Variants in KDM4A observed in about 807,000 individuals in gnomAD.
KDM4A encodes lysine demethylase 4A, also known as lysine-specific demethylase 4A.
Under a neutral mutation model 127.1 loss-of-function variants are expected in KDM4A, and 23 were observed. That is an observed-to-expected ratio of 0.18 (90% confidence interval 0.13 to 0.26). KDM4A has a LOEUF of 0.26. Ranked by LOEUF, KDM4A falls within the 10% of genes least tolerant of loss-of-function variation. The pLI is 1.00. For missense variants in KDM4A, 890 were observed against 1,329.1 expected (o/e 0.67, Z 5.14); for synonymous variants, 443 against 466.5 (o/e 0.95, Z 0.65).
At chr1:43,668,746 G>C (rs1431395107) in intron 9 of KDM4A, among the ~76,000 whole-genome samples, 1 of 152,188 alleles carries the variant, frequency 6.6e-6, no homozygotes, top group Non-Finnish European at 1.5e-5. Flanking sequence ...CTGAGCCAGG[G>C]GATCTGTGCT....
chr1:43,691,173 T>C, intron 14 of KDM4A, 124 bp downstream of exon 14: 7 of 977,994 alleles, frequency 7.2e-6, no homozygotes, highest in Non-Finnish European at 1.1e-5. Context: ...GGGGAGTCTG[T>C]TGCTAGCTGA....
chr1:43,657,990 T>TGCTAAA (rs2154046501), intron 3 of KDM4A, among the ~76,000 whole-genome samples: 1 of 151,792 alleles, frequency 6.6e-6, no homozygotes, highest in South Asian at 2.1e-4. Flanking sequence ...AGCACACTTG[T>TGCTAAA]TTTCCTTTTA....
Position 43,667,878 on chromosome 1 carries a change from T to C in KDM4A, c.1022T>C (p.Ile341Thr). Residue 341 changes from isoleucine to threonine, a missense_variant, in exon 9 of 22, where the codon ATT becomes ACT. Physicochemically the swap from Ile to Thr is moderately conservative, Grantham distance 89. Coordinates refer to ENST00000372396, the MANE Select transcript of KDM4A (RefSeq NM_014663.3). ...LWKAGKDNTV[I>T]DHTLPTPEAA... The stretch of plus-strand genomic sequence containing the variant: ...AAAGCTGGGAAGGACAACACAGTTA[T>C]TGACCATACTCTGCCCACGCCAGAA... 2 of 1,614,166 alleles carry C rather than the reference T, an allele frequency of 1.2e-6. No homozygotes were observed. Among genetic ancestry groups the C allele is most frequent in the Non-Finnish European group, 1.7e-6 (2 of 1,180,022 alleles).
At chr1:43,667,386 T>A (rs1450328723) in intron 8 of KDM4A, among the ~76,000 whole-genome samples, 1 of 152,210 alleles carries the variant, frequency 6.6e-6, no homozygotes. Flanking sequence ...TTTTAGGGGT[T>A]TCCTTTACTC....
At chr1:43,657,175 A>C (rs2154046435) in intron 3 of KDM4A, among the ~76,000 whole-genome samples, 1 of 151,800 alleles carries the variant, frequency 6.6e-6, no homozygotes, top group East Asian at 1.9e-4. Flanking sequence ...GGCATGAGCC[A>C]CTGCATCCGG....
chr1:43,653,394 T>C, intron 2 of KDM4A, 81 bp downstream of exon 2: 1 of 1,367,574 alleles, frequency 7.3e-7, no homozygotes, highest in South Asian at 1.6e-5. Context: ...GGGCCGGAAC[T>C]GTGTTTTACT....
In KDM4A at chr1:43,653,326, G is replaced by GATTGTTCAA; in HGVS notation, c.138+16_138+24dup. The GATTGTTCAA allele has an allele frequency of 6.2e-7, 1 of 1,604,680 alleles. No homozygotes were observed. Among genetic ancestry groups the GATTGTTCAA allele is most frequent in the Non-Finnish European group, 8.5e-7 (1 of 1,176,208 alleles). The stretch of plus-strand genomic sequence containing the variant: ...AGGGCTAGCCAAGGTAAGGAGCTGG[G>GATTGTTCAA]ATTGTTCAAATGGTTTTGTTACCTA... On this transcript the variant is annotated intron_variant, in intron 2 of 21. Coordinates refer to ENST00000372396, the MANE Select transcript of KDM4A (RefSeq NM_014663.3).
intron 1 of KDM4A, among the ~76,000 whole-genome samples, chr1:43,652,096 T>C (rs150710291): frequency 6.6e-6 from 1 of 152,238 alleles, no homozygotes; most frequent in Non-Finnish European, 1.5e-5. Context: ...CACGTAACTT[T>C]TATTAGGTAT....
At position 43,667,922 on chromosome 1, in the gene KDM4A, G is replaced by A; in HGVS notation, c.1066G>A (p.Glu356Lys). Reference sequence around the variant, plus strand: ...GCCAGAAGCAGCTGAGTTTCTTAAGGAGAGTGAACTGCCTCCAAGAGCTGG... The same window carrying A: ...GCCAGAAGCAGCTGAGTTTCTTAAGAAGAGTGAACTGCCTCCAAGAGCTGG... ...PTPEAAEFLK[E>K]SELPPRAGNE... The change falls in exon 9 of 22, where the codon GAG becomes AAG. Residue 356 changes from glutamate (E) to lysine (K), a missense_variant. By Grantham distance (56) the Glu-to-Lys change is moderately conservative. Around this residue, in one of 7 missense-constraint regions of KDM4A, gnomAD observed 389 missense variants for 485.9 expected, o/e 0.80. Coordinates refer to ENST00000372396, the MANE Select transcript of KDM4A (RefSeq NM_014663.3). The A allele has an allele frequency of 6.2e-7, 1 of 1,614,180 alleles. No homozygotes were observed. Among genetic ancestry groups the A allele is most frequent in the Non-Finnish European group, 8.5e-7 (1 of 1,180,028 alleles).
rs761446401 is a variant in KDM4A at position 43,667,816 on chromosome 1, T to A, written c.960T>A (p.Phe320Leu). 6.2e-7 allele frequency: 1 copy of A among 1,613,780 alleles called. No homozygotes were observed. Among genetic ancestry groups the A allele is most frequent in the Non-Finnish European group, 8.5e-7 (1 of 1,179,898 alleles). ...TGGTGAAGATCTCCATGGATGTGTT[T>A]GTGAGAAAGTTCCAGCCAGAAAGGT... ...KDMVKISMDV[F>L]VRKFQPERYK... is the part of the protein sequence containing the mutation. The change falls in exon 9 of 22, where the codon TTT becomes TTA. Residue 320 changes from phenylalanine (F) to leucine (L), a missense_variant. Around this residue, in one of 7 missense-constraint regions of KDM4A, gnomAD observed 141 missense variants for 273.5 expected, o/e 0.52. Coordinates refer to ENST00000372396, the MANE Select transcript of KDM4A (RefSeq NM_014663.3).
At chr1:43,657,466 G>A (rs763746844) in intron 3 of KDM4A, among the ~76,000 whole-genome samples, 27 of 152,110 alleles carry the variant, frequency 1.8e-4, no homozygotes, top group Non-Finnish European at 3.1e-4. Flanking sequence ...CTCCCAAAGG[G>A]CTGGGATTAC....
intron 4 of KDM4A, among the ~76,000 whole-genome samples, chr1:43,661,068 G>A (rs191556690): frequency 2.3e-4 from 35 of 151,550 alleles, no homozygotes; most frequent in Admixed American, 1.5e-3. Flanking sequence ...TCCGCCTCCC[G>A]GGTTCAAGTG....
intron 3 of KDM4A, among the ~76,000 whole-genome samples, chr1:43,657,750 C>CTTTTTTTT (rs140666245): frequency 5.2e-5 from 6 of 116,460 alleles, no homozygotes; most frequent in African/African-American, 1.9e-4. Context: ...TTTTTCTTTT[C>CTTTTTTTT]TTTTTTTTTT....
At position 43,667,031 on chromosome 1, in the gene KDM4A, T is replaced by C. The variant is rs1660514561; in HGVS notation, c.855T>C (p.Cys285=). The C allele has an allele frequency of 4.3e-6, 7 of 1,614,192 alleles. No homozygotes were observed. In the East Asian group the frequency reaches 6.7e-5, roughly 15 times the overall value. ...YHAGFNHGFN[C]AESTNFATRR... The stretch of plus-strand genomic sequence containing the variant: ...CCGGCTTTAACCATGGTTTTAACTG[T>C]GCGGAGTCTACCAATTTTGCTACCC... Residue 285 remains cysteine (C), a synonymous_variant, in exon 8 of 22, where the codon TGT becomes TGC. Coordinates refer to ENST00000372396, the MANE Select transcript of KDM4A (RefSeq NM_014663.3).
chr1:43,697,923 T>C lies in KDM4A; in HGVS notation c.2751T>C (p.Cys917=), dbSNP rs769578497. ...ATAAGAACGGGCGCTTCTACCAGTG[T>C]GAAGTGGTCAGGCTCACCACCGAGA... is the stretch of plus-strand genomic sequence containing the variant. The part of the protein sequence containing the change: ...SKHKNGRFYQ[C]EVVRLTTETF... The change falls in exon 19 of 22, where the codon TGT becomes TGC. Residue 917 remains cysteine, a synonymous_variant. Coordinates refer to ENST00000372396, the MANE Select transcript of KDM4A (RefSeq NM_014663.3). 14 of 1,613,368 alleles carry C rather than the reference T, an allele frequency of 8.7e-6. No homozygotes were observed. In the South Asian group the frequency reaches 1.4e-4, roughly 16 times the overall value.
intron 19 of KDM4A, among the ~76,000 whole-genome samples, chr1:43,700,606 A>G (rs1661364623): frequency 6.6e-6 from 1 of 151,994 alleles, no homozygotes; most frequent in Non-Finnish European, 1.5e-5. Flanking sequence ...GGCTATTTGT[A>G]GAAATGGGGT....
At chr1:43,702,446 A>T (rs1170773872) in intron 19 of KDM4A, 1 of 152,196 alleles carries the variant, frequency 6.6e-6, no homozygotes, top group Non-Finnish European at 1.5e-5. Flanking sequence ...TCAATAAATG[A>T]ACTGTAGCAT....
In KDM4A at chr1:43,693,959, C is replaced by CAG. The variant is rs907012451; in HGVS notation, c.2376-32_2376-31dup. 6.3e-7 allele frequency: 1 copy of CAG among 1,579,302 alleles called. No individual in the cohort carries two copies. The highest frequency in any genetic ancestry group is 1.3e-5 in the African/African-American group (1 of 74,356). ...AGAGAAGGCCACAGAGCCTTGGGCC[C>CAG]AGAGGTGACTGAGGGAGCCTTTGCC... On this transcript the variant is annotated intron_variant, in intron 16 of 21. Coordinates refer to ENST00000372396, the MANE Select transcript of KDM4A (RefSeq NM_014663.3). This position sits in a 1 kb window ranked among gnomAD's most constrained non-coding sequence, Gnocchi z 4.2.
intron 1 of KDM4A, 67 bp downstream of exon 1, chr1:43,650,319 G>C (rs555850004): frequency 1.3e-5 from 2 of 152,182 alleles, no homozygotes; most frequent in East Asian, 3.9e-4. Flanking sequence ...GTGAGTTTTG[G>C]TGGGGGAGGG....
Sources: gnomAD v4.1 joint callset for allele counts (sites outside exome capture counted in the v4.1 genomes callset) on GRCh38, gnomAD v4.1.1 for gene constraint, gnomAD v4.1.1 regional missense constraint, Gnocchi (gnomAD v3.1) non-coding constraint, MANE v1.5 for transcripts, NCBI Gene and HGNC (gene_info 2026-07-23, HGNC 2026-07-21) for gene names.